Variants in KIAA0825 observed in about 807,000 individuals in gnomAD.
KIAA0825 encodes KIAA0825, also known as uncharacterized protein KIAA0825.
A neutral mutation model predicts 147.6 loss-of-function variants in KIAA0825; 119 were observed. That is an observed-to-expected ratio of 0.81 (90% CI 0.69 to 0.94). The LOEUF (loss-of-function observed/expected upper bound fraction) is 0.94, where lower values mean the gene tolerates loss of function less well. Among genes scored for constraint, KIAA0825 ranks in the 40% least tolerant of loss-of-function variants. The pLI, the probability that KIAA0825 is intolerant of heterozygous loss-of-function variation, is 0.00. For synonymous variants in KIAA0825, 470 were observed against 518.1 expected, an observed-to-expected ratio of 0.91 and a Z score of 1.26; for missense variants, 1,381 against 1,472.7, an observed-to-expected ratio of 0.94 and a Z score of 1.02.
At chr5:94,394,003 C>A (rs1356992721) in intron 17 of KIAA0825, among the ~76,000 whole-genome samples, 1 of 151,972 alleles carries the variant, frequency 6.6e-6, no homozygotes, top group African/African-American at 2.4e-5. Context: ...CCTACCACCA[C>A]ACCCAGCTAA....
chr5:94,369,991 G>A (rs1288786813), intron 20 of KIAA0825, among the ~76,000 whole-genome samples: 1 of 152,078 alleles, frequency 6.6e-6, no homozygotes, highest in East Asian at 1.9e-4. Context: ...CCACTCCTAG[G>A]TACTATCCAA....
rs745688608 is a variant in KIAA0825 at position 94,154,071 on chromosome 5, T to C, written c.3764A>G (p.Glu1255Gly). The change falls in exon 21 of 21, where the codon GAG becomes GGG. Residue 1255 changes from glutamate to glycine, a missense_variant. Transcript: ENST00000682413. ...TLEEEEKAIL[E>G]HLKQICTPQN... Reference sequence around the variant, plus strand: ...TGGGGTGCAAATTTGTTTTAAGTGCTCCAGTATTGCTTTTTCTTCCTCTTC... The same window carrying C: ...TGGGGTGCAAATTTGTTTTAAGTGCCCCAGTATTGCTTTTTCTTCCTCTTC... 1 of 1,551,724 alleles carries C rather than the reference T, an allele frequency of 6.4e-7. No homozygotes were observed. Among genetic ancestry groups the C allele is most frequent in the South Asian group, 1.2e-5 (1 of 84,058 alleles).
chr5:94,230,840 C>T (rs1260165708), intron 20 of KIAA0825, among the ~76,000 whole-genome samples: 2 of 152,222 alleles, frequency 1.3e-5, no homozygotes, highest in East Asian at 1.9e-4. Context: ...ATCTTCCTCA[C>T]GTCCTTCCCA....
At chr5:94,437,299 A>T (rs1335176520) in intron 14 of KIAA0825, among the ~76,000 whole-genome samples, 1 of 152,202 alleles carries the variant, frequency 6.6e-6, no homozygotes, top group African/African-American at 2.4e-5. Context: ...TTAAAGTGAC[A>T]AGAATTCTAT....
chr5:94,344,311 G>T (rs571833737), intron 20 of KIAA0825, among the ~76,000 whole-genome samples: 31 of 152,044 alleles, frequency 2.0e-4, no homozygotes, highest in African/African-American at 7.0e-4. Context: ...CAAGAATCTC[G>T]CAAACTGAGC....
intron 20 of KIAA0825, among the ~76,000 whole-genome samples, chr5:94,268,881 T>C (rs759790236): frequency 9.2e-5 from 14 of 152,146 alleles, no homozygotes; most frequent in Non-Finnish European, 1.8e-4. Flanking sequence ...CCATCTCCAG[T>C]ATAAACTGGA....
At chr5:94,595,118 C>T (rs2152402845) in intron 1 of KIAA0825, among the ~76,000 whole-genome samples, 1 of 152,244 alleles carries the variant, frequency 6.6e-6, no homozygotes, top group South Asian at 2.1e-4. Context: ...AGGATGGTGG[C>T]TCTCTTCTCA....
intron 2 of KIAA0825, among the ~76,000 whole-genome samples, chr5:94,565,066 G>GTCTCTCTTTC (rs1778416954): frequency 1.6e-5 from 1 of 64,290 alleles, no homozygotes; most frequent in South Asian, 4.7e-4. Flanking sequence ...TTTCTTTCCT[G>GTCTCTCTTTC]TCTCTCTTTC....
intron 5 of KIAA0825, among the ~76,000 whole-genome samples, chr5:94,515,928 A>G (rs541564069): frequency 6.6e-6 from 1 of 152,316 alleles, no homozygotes; most frequent in South Asian, 2.1e-4. Flanking sequence ...CTTCTATAAA[A>G]GATTGTTAAA....
At chr5:94,320,686 T>C (rs1272568165) in intron 20 of KIAA0825, among the ~76,000 whole-genome samples, 1 of 152,058 alleles carries the variant, frequency 6.6e-6, no homozygotes, top group African/African-American at 2.4e-5. Context: ...AAAATGGTTG[T>C]GATCCAAACT....
chr5:94,556,201 T>C (rs1213407192), intron 2 of KIAA0825, among the ~76,000 whole-genome samples: 2 of 151,974 alleles, frequency 1.3e-5, no homozygotes, highest in Non-Finnish European at 2.9e-5. Context: ...TACAGGTGTG[T>C]GCCACCACAC....
At chr5:94,563,019 G>C (rs1458498595) in intron 2 of KIAA0825, among the ~76,000 whole-genome samples, 1 of 152,032 alleles carries the variant, frequency 6.6e-6, no homozygotes. Flanking sequence ...TGAGAAACAG[G>C]TTCTAAGATG....
intron 2 of KIAA0825, among the ~76,000 whole-genome samples, chr5:94,573,747 C>A (rs1439572930): frequency 6.6e-6 from 1 of 152,198 alleles, no homozygotes; most frequent in Non-Finnish European, 1.5e-5. Context: ...TATTCCCCCA[C>A]AAAGAAAGGC....
chr5:94,584,318 C>T (rs1168117461), intron 1 of KIAA0825, among the ~76,000 whole-genome samples: 6 of 152,026 alleles, frequency 3.9e-5, no homozygotes, highest in Non-Finnish European at 8.8e-5. Flanking sequence ...TGGCTAACTA[C>T]AATAACCAGT....
intron 20 of KIAA0825, among the ~76,000 whole-genome samples, chr5:94,382,875 T>C (rs1371250390): frequency 6.6e-6 from 1 of 152,232 alleles, no homozygotes; most frequent in Non-Finnish European, 1.5e-5. Flanking sequence ...GACCATTTAG[T>C]GGATTGGAAG....
In KIAA0825 at chr5:94,595,961, C is replaced by T. The variant is rs894834842; in HGVS notation, c.-152-13378G>A. Among the ~76,000 whole-genome samples the T allele has an allele frequency of 2.0e-4, 31 of 152,202 alleles. 1 individual carries two copies. Among genetic ancestry groups the T allele is most frequent in the Admixed American group, 2.0e-3 (31 of 15,280 alleles). On this transcript the variant is annotated intron_variant, in intron 1 of 20. Coordinates refer to ENST00000682413, the MANE Select transcript of KIAA0825 (RefSeq NM_001145678.3). ...TTGCTCTAGTTCCCAACAAGTTCCT[C>T]ATCTCCATCTGAGAACACCTCAGCC...
At chr5:94,472,473 C>A (rs1202887368) in intron 8 of KIAA0825, among the ~76,000 whole-genome samples, 1 of 152,094 alleles carries the variant, frequency 6.6e-6, no homozygotes, top group African/African-American at 2.4e-5. Flanking sequence ...CGGCCGGGCG[C>A]GGTGGCTCAC....
At chr5:94,209,033 G>T (rs1772460747) in intron 20 of KIAA0825, among the ~76,000 whole-genome samples, 1 of 152,148 alleles carries the variant, frequency 6.6e-6, no homozygotes, top group Non-Finnish European at 1.5e-5. Context: ...AGATCATTTT[G>T]ATGTTTGTGG....
intron 20 of KIAA0825, among the ~76,000 whole-genome samples, chr5:94,379,961 C>G (rs1748157279): frequency 7.0e-6 from 1 of 143,414 alleles, no homozygotes; most frequent in Non-Finnish European, 1.5e-5. Context: ...TCACGCCATT[C>G]TCCTGCCTCA....
Sources: gnomAD v4.1 joint callset for allele counts (sites outside exome capture counted in the v4.1 genomes callset) on GRCh38, gnomAD v4.1.1 for gene constraint, MANE v1.5 for transcripts, NCBI Gene and HGNC (gene_info 2026-07-23, HGNC 2026-07-21) for gene names.